The following RPL4 variants were observed in gnomAD, a reference collection of about 807,000 sequenced individuals.
RPL4 encodes large ribosomal subunit protein uL4.
RPL4 carries 3 observed loss-of-function variants against 47.7 expected under a neutral mutation model. That is an observed-to-expected ratio of 0.06 (90% CI 0.03 to 0.16). RPL4 has a LOEUF of 0.16. Among genes scored for constraint, RPL4 ranks in the 10% least tolerant of loss-of-function variants. The pLI is 1.00. For missense variants in RPL4, 413 were observed against 551.3 expected (o/e 0.75, Z 2.51); for synonymous variants, 208 against 182.1 (o/e 1.14, Z -1.15).
chr15:66,502,463 T>C, intron 4 of RPL4, 149 bp downstream of exon 4: 2 of 834,686 alleles, frequency 2.4e-6, no homozygotes, highest in South Asian at 2.0e-5. Context: ...GGAATATCCA[T>C]GAACTAAAAT....
rs59442455 is a variant in RPL4, at chr15:66,498,674, G to C, written c.*733C>G. 3 of 152,352 alleles carry C rather than the reference G, an allele frequency of 2.0e-5. No homozygotes were observed. The highest frequency in any genetic ancestry group is 7.2e-5 in the African/African-American group (3 of 41,452). 9.4% of individuals were successfully genotyped at this position (152,352 alleles called of 1,614,324 possible). ...GGCAATGGTACAATCTTGGCTCATT[G>C]CAACCTCCACCTCCCAGGTTCAAGT... On this transcript the variant is annotated 3_prime_UTR_variant, in exon 10 of 10. Transcript: ENST00000307961.
At chr15:66,504,607 T>C (rs1210541067) in intron 1 of RPL4, among the ~76,000 whole-genome samples, 181 bp downstream of exon 1, 1 of 152,168 alleles carries the variant, frequency 6.6e-6, no homozygotes, top group East Asian at 1.9e-4. Context: ...GAACCCCACG[T>C]TGCCTCTAAG....
chr15:66,503,226 T>C (rs1015594881), intron 2 of RPL4, 62 bp from the exon 3 acceptor site: 12 of 1,589,118 alleles, frequency 7.6e-6, no homozygotes, highest in South Asian at 1.1e-5. Context: ...CCATGACTAT[T>C]ATGCATGGTA....
chr15:66,504,029 T>C (rs936066782), intron 1 of RPL4, among the ~76,000 whole-genome samples: 1 of 152,220 alleles, frequency 6.6e-6, no homozygotes, highest in African/African-American at 2.4e-5. Flanking sequence ...TCTTCTCTAC[T>C]TCTGATCTCA....
chr15:66,500,852 G>A (rs1893596298), intron 7 of RPL4, 97 bp downstream of exon 7: 1 of 1,431,068 alleles, frequency 7.0e-7, no homozygotes, highest in Admixed American at 2.1e-5. Context: ...CTGCACATAA[G>A]GGGAAATGGG....
In RPL4 at chr15:66,498,362, G is replaced by T. The variant is rs527254069; in HGVS notation, c.*1045C>A. 1 of 152,390 alleles carries T rather than the reference G, an allele frequency of 6.6e-6. No homozygotes were observed. The highest frequency in any genetic ancestry group is 2.4e-5 in the African/African-American group (1 of 41,450). The allele number at this position is 152,390 out of a possible 1,614,324, so 9.4% of individuals were successfully genotyped here. A position where few individuals can be genotyped will look rare whatever the true frequency, so the allele number is the denominator to read the frequency against. On this transcript the variant is annotated 3_prime_UTR_variant, in exon 10 of 10. Coordinates refer to ENST00000307961, the MANE Select transcript of RPL4 (RefSeq NM_000968.4). ...TGGGGAGGGTTAACAGATCACCTTG[G>T]CTGTGAACTGAGACTGTCTTGACAG...
In RPL4 at chr15:66,500,932, A is replaced by G. The variant is rs1595895357; in HGVS notation, c.833+17T>C. 1.2e-6 allele frequency: 2 copies of G among 1,612,320 alleles called. No individual in the cohort carries two copies. Among genetic ancestry groups the G allele is most frequent in the Non-Finnish European group, 1.7e-6 (2 of 1,179,268 alleles). On this transcript the variant is annotated intron_variant, in intron 7 of 9. Transcript: ENST00000307961. ...CACAATATAAACATCTGTGCTTAGT[A>G]TATGAAAGATACTTACTTGTAGTTA...
intron 5 of RPL4, 90 bp from the exon 6 acceptor site, chr15:66,501,594 A>ACTGG (rs1414991250): frequency 7.7e-6 from 12 of 1,563,470 alleles, no homozygotes; most frequent in Non-Finnish European, 1.0e-5. Context: ...AGATGATTAA[A>ACTGG]CTGGGCACAA....
chr15:66,501,727 A>G (rs770346030), intron 5 of RPL4, 61 bp downstream of exon 5: 13 of 1,590,102 alleles, frequency 8.2e-6, no homozygotes, highest in Non-Finnish European at 1.0e-5. Flanking sequence ...ATCTTCTGAA[A>G]TTCAAAGTGA....
Position 66,501,524 on chromosome 15 carries a change from A to C in RPL4, c.547-20T>G. On this transcript the variant is annotated intron_variant, in intron 5 of 9. Coordinates refer to ENST00000307961, the MANE Select transcript of RPL4 (RefSeq NM_000968.4). ...ATAGACCTACAAAGTGAGCAGTTTT[A>C]GTATTCTGATTAAGATAGAATCTCT... 6.2e-7 allele frequency: 1 copy of C among 1,613,640 alleles called. No homozygotes were observed. Among genetic ancestry groups the C allele is most frequent in the African/African-American group, 1.3e-5 (1 of 75,028 alleles).
intron 4 of RPL4, chr15:66,502,203 G>A (rs1320714672): frequency 2.7e-5 from 13 of 476,842 alleles, no homozygotes; most frequent in Non-Finnish European, 5.0e-5. Context: ...AGTATTCCCT[G>A]ATTGATTTGT....
intron 8 of RPL4, 51 bp downstream of exon 8, chr15:66,500,242 A>G: frequency 6.2e-7 from 1 of 1,613,630 alleles, no homozygotes; most frequent in Non-Finnish European, 8.5e-7. Flanking sequence ...TTTTTGAAAC[A>G]ACCAATAGTA....
chr15:66,500,707 G>C (rs112342469), intron 7 of RPL4: 1 of 557,218 alleles, frequency 1.8e-6, no homozygotes, highest in Non-Finnish European at 3.2e-6. Flanking sequence ...GCTTGAACCC[G>C]GGAGGCGGAG....
In RPL4 at chr15:66,501,073, T is replaced by C. The variant is rs775871639; in HGVS notation, c.709A>G (p.Ile237Val). ...ITLLNVSKLN[I>V]LKLAPGGHVG... The stretch of plus-strand genomic sequence containing the variant: ...TGCCCACCAGGAGCAAGCTTCAAAA[T>C]GTTCAGCTTGCTTACATTAAGCAGA... Residue 237 changes from isoleucine to valine, a missense_variant, in exon 7 of 10, where the codon ATT becomes GTT. Ile to Val is a conservative substitution (Grantham distance 29). Coordinates refer to ENST00000307961, the MANE Select transcript of RPL4 (RefSeq NM_000968.4). 23 of 1,613,932 alleles carry C rather than the reference T, an allele frequency of 1.4e-5. No individual in the cohort carries two copies. Among genetic ancestry groups the C allele is most frequent in the East Asian group, 6.7e-5 (3 of 44,894 alleles).
intron 7 of RPL4, 174 bp from the exon 8 acceptor site, chr15:66,500,550 T>C: frequency 9.5e-6 from 6 of 633,150 alleles, no homozygotes; most frequent in Non-Finnish European, 1.4e-5. Flanking sequence ...TCCCAGCACT[T>C]GGGGAGGCCG....
chr15:66,498,092 ACAG>A lies in RPL4; in HGVS notation c.*1312_*1314del. 3.7e-6 allele frequency: 1 copy of A among 270,134 alleles called. No homozygotes were observed. Among genetic ancestry groups the A allele is most frequent in the Non-Finnish European group, 7.2e-6 (1 of 139,446 alleles). The allele number at this position is 270,134 out of a possible 1,614,324, so 16.7% of individuals were successfully genotyped here. A position where few individuals can be genotyped will look rare whatever the true frequency, so the allele number is the denominator to read the frequency against. ...AACACCGTTTCAAATGACCGGGTGA[ACAG>A]CACTTCCAATGTGGTGTGCCACCAA... is the stretch of plus-strand genomic sequence containing the variant. On this transcript the variant is annotated 3_prime_UTR_variant, in exon 10 of 10. Transcript: ENST00000307961.
chr15:66,502,386 A>G (rs1305701000), intron 4 of RPL4: 5 of 543,440 alleles, frequency 9.2e-6, no homozygotes, highest in African/African-American at 5.8e-5. Context: ...CCGGTATGTA[A>G]CATGTATTTC....
In RPL4 at chr15:66,501,088, C is replaced by T. The variant is rs757166001; in HGVS notation, c.694G>A (p.Val232Ile). The change falls in exon 7 of 10, where the codon GTA becomes ATA. Residue 232 changes from valine to isoleucine, a missense_variant. Transcript: ENST00000307961. Reference protein sequence around the residue: ...RNIPGITLLNVSKLNILKLAP... With the variant: ...RNIPGITLLNISKLNILKLAP... ...AGCTTCAAAATGTTCAGCTTGCTTACATTAAGCAGAGTAATTCCTTTTAAA... is the reference window on the plus strand; with the variant it reads ...AGCTTCAAAATGTTCAGCTTGCTTATATTAAGCAGAGTAATTCCTTTTAAA... The T allele has an allele frequency of 3.7e-5, 60 of 1,613,746 alleles. 1 individual carries two copies. In the South Asian group the frequency reaches 5.7e-4, roughly 15 times the overall value.
chr15:66,500,170 C>A lies in RPL4; in HGVS notation c.924G>T (p.Lys308Asn), dbSNP rs750442319. 51 of 1,613,686 alleles carry A rather than the reference C, an allele frequency of 3.2e-5. No homozygotes were observed. The highest frequency in any genetic ancestry group is 4.2e-5 in the Non-Finnish European group (49 of 1,179,936). Residue 308 changes from lysine (K) to asparagine (N), a missense_variant, in exon 9 of 10, where the codon AAG becomes AAT. Lys to Asn is a moderately conservative substitution (Grantham distance 94). Transcript: ENST00000307961. Reference sequence around the variant, plus strand: ...TCTTCTTTAGGACTCTGCGATGGATCTTCTTGCTATAAAAAAGCAGATACT... The same window carrying A: ...TCTTCTTTAGGACTCTGCGATGGATATTCTTGCTATAAAAAAGCAGATACT... ...IQRALRAPRKKIHRRVLKKNP... is the reference protein window; with the variant it reads ...IQRALRAPRKNIHRRVLKKNP...
Sources: gnomAD v4.1 joint callset for allele counts (sites outside exome capture counted in the v4.1 genomes callset) on GRCh38, gnomAD v4.1.1 for gene constraint, MANE v1.5 for transcripts, NCBI Gene and HGNC (gene_info 2026-07-23, HGNC 2026-07-21) for gene names.